Variants in AFF1 observed in about 807,000 individuals in gnomAD.
The protein encoded by AFF1 is ALF transcription elongation factor 1.
A neutral mutation model predicts 121.7 loss-of-function variants in AFF1; 48 were observed. The observed-to-expected ratio is 0.39, with a 90% CI of 0.31 to 0.50. The LOEUF is 0.50. Among genes scored for constraint, AFF1 ranks in the 20% least tolerant of loss-of-function variants. The pLI is 0.76. For missense variants in AFF1, 1,523 were observed against 1,511.7 expected, an observed-to-expected ratio of 1.01 and a Z score of -0.12; for synonymous variants, 613 against 563.0, an observed-to-expected ratio of 1.09 and a Z score of -1.26.
intron 16 of AFF1, among the ~76,000 whole-genome samples, chr4:87,129,900 G>A (rs780798079): frequency 3.8e-4 from 58 of 152,084 alleles, no homozygotes; most frequent in Middle Eastern, 3.4e-3. Flanking sequence ...AGCCCATACC[G>A]CTCTCATTGC....
chr4:87,099,059 A>G (rs1290157700), intron 8 of AFF1, among the ~76,000 whole-genome samples: 2 of 152,218 alleles, frequency 1.3e-5, no homozygotes, highest in African/African-American at 4.8e-5. Flanking sequence ...AAGTCCAAAG[A>G]CATGCTTTAC....
chr4:87,004,647 AG>A (rs1251333261), intron 2 of AFF1, among the ~76,000 whole-genome samples: 1 of 152,182 alleles, frequency 6.6e-6, no homozygotes, highest in Non-Finnish European at 1.5e-5. Context: ...TGTTCCAGTG[AG>A]CATTTCCTTT....
At chr4:87,065,255 A>G (rs1721226254) in intron 4 of AFF1, among the ~76,000 whole-genome samples, 1 of 152,096 alleles carries the variant, frequency 6.6e-6, no homozygotes, top group Admixed American at 6.5e-5. Context: ...GCAAAGAGAG[A>G]GGTTGTGCAG....
At chr4:87,026,372 A>T (rs979925985) in intron 2 of AFF1, among the ~76,000 whole-genome samples, 1 of 152,174 alleles carries the variant, frequency 6.6e-6, no homozygotes, top group Non-Finnish European at 1.5e-5. Context: ...TGCTGGGATT[A>T]CAGGTGTGAG....
chr4:87,130,804 C>CT (rs1158855782), intron 16 of AFF1, among the ~76,000 whole-genome samples: 3 of 152,192 alleles, frequency 2.0e-5, no homozygotes, highest in Non-Finnish European at 4.4e-5. Flanking sequence ...AGACTATGTA[C>CT]TTACTGCCTT....
At chr4:87,014,342 A>G (rs900675824) in intron 2 of AFF1, among the ~76,000 whole-genome samples, 1 of 152,226 alleles carries the variant, frequency 6.6e-6, no homozygotes, top group Non-Finnish European at 1.5e-5. Flanking sequence ...TTCCCAGGGA[A>G]AAGTTAAAAT....
chr4:87,056,199 A>G (rs1720123818), intron 4 of AFF1, among the ~76,000 whole-genome samples: 1 of 152,098 alleles, frequency 6.6e-6, no homozygotes, highest in South Asian at 2.1e-4. Flanking sequence ...CTCAGTATTT[A>G]AGTAATTAGA....
At chr4:87,125,967 T>C in intron 13 of AFF1, 132 bp from the exon 14 acceptor site, 1 of 847,764 alleles carries the variant, frequency 1.2e-6, no homozygotes, top group Non-Finnish European at 1.9e-6. Flanking sequence ...CCCTGAAATT[T>C]GGCCTGTTTA....
intron 4 of AFF1, among the ~76,000 whole-genome samples, chr4:87,075,292 AAG>A (rs1489810752): frequency 1.3e-5 from 2 of 152,096 alleles, no homozygotes; most frequent in Middle Eastern, 3.2e-3. Context: ...TTGCTTATGA[AAG>A]AGCAATTTAC....
chr4:87,130,522 G>C (rs1728729377), intron 16 of AFF1, among the ~76,000 whole-genome samples: 1 of 152,124 alleles, frequency 6.6e-6, no homozygotes, highest in Admixed American at 6.5e-5. Context: ...TTCCCTTTAA[G>C]GGACTCTGAA....
At chr4:87,044,122 G>C (rs559481181) in intron 2 of AFF1, among the ~76,000 whole-genome samples, 13 of 152,066 alleles carry the variant, frequency 8.5e-5, no homozygotes, top group Admixed American at 2.6e-4. Flanking sequence ...GGCCTAAGGA[G>C]ATAATTATTT....
intron 12 of AFF1, among the ~76,000 whole-genome samples, chr4:87,123,513 C>G (rs967543402): frequency 5.9e-5 from 9 of 152,032 alleles, no homozygotes; most frequent in Admixed American, 1.3e-4. Flanking sequence ...GTGCACATGC[C>G]GCAAGATTAA....
At chr4:87,119,305 AC>A (rs1727436187) in intron 12 of AFF1, among the ~76,000 whole-genome samples, 1 of 152,176 alleles carries the variant, frequency 6.6e-6, no homozygotes, top group East Asian at 1.9e-4. Flanking sequence ...CTGGCTGGGC[AC>A]AGTGGCTCAC....
Position 87,014,228 on chromosome 4 carries a change from C to A in AFF1, c.39-31938C>A, listed in dbSNP as rs144276591. Among the ~76,000 whole-genome samples, 15 of 152,276 alleles carry A rather than the reference C, an allele frequency of 9.9e-5. No individual in the cohort carries two copies. The East Asian group carries it at 2.9e-3, about 29-fold the overall frequency. On this transcript the variant is annotated intron_variant, in intron 2 of 20. Transcript: ENST00000395146. ...CTCAAGGAGCAGGGTATTTAATTTA[C>A]TTTTTTCCATGCGTTGTGGGCTCCC...
chr4:87,022,582 A>ATC (rs58303396), intron 2 of AFF1, among the ~76,000 whole-genome samples: 1 of 88,600 alleles, frequency 1.1e-5, no homozygotes, highest in African/African-American at 5.3e-5. Flanking sequence ...ATATATATAT[A>ATC]TCTATCTATA....
chr4:86,951,615 C>CTTTTTTTTTTTTTTTTTTTTTTTT lies in AFF1; in HGVS notation c.38+3051_38+3052insTTTTTTTTTTTTTTTTTTTTTTTT, dbSNP rs748093135. 2.2e-4 allele frequency among the ~76,000 whole-genome samples: 27 copies of CTTTTTTTTTTTTTTTTTTTTTTTT among 124,928 alleles called. 1 individual carries two copies. Among genetic ancestry groups the CTTTTTTTTTTTTTTTTTTTTTTTT allele is most frequent in the Admixed American group, 3.5e-4 (4 of 11,590 alleles). The allele number at this position is 124,928 out of a possible 152,430, so 82.0% of individuals were successfully genotyped here. Reference sequence around the variant, plus strand: ...GAACTTTTTTTTCTTTTTCTTTTTTCTTTTTTTCTTTTTTTTTTTTTTTTT... The same window carrying CTTTTTTTTTTTTTTTTTTTTTTTT: ...GAACTTTTTTTTCTTTTTCTTTTTTCTTTTTTTTTTTTTTTTTTTTTTTTTTTTTTTCTTTTTTTTTTTTTTTTT... On this transcript the variant is annotated intron_variant, in intron 2 of 20. Transcript: ENST00000395146.
intron 2 of AFF1, among the ~76,000 whole-genome samples, chr4:86,963,085 G>A (rs1410546985): frequency 7.0e-6 from 1 of 142,522 alleles, no homozygotes; most frequent in Admixed American, 7.7e-5. Context: ...AGAATTGCTC[G>A]AACCTGGGAG....
At chr4:86,967,650 T>G (rs1165964832) in intron 2 of AFF1, among the ~76,000 whole-genome samples, 2 of 152,046 alleles carry the variant, frequency 1.3e-5, no homozygotes, top group African/African-American at 4.8e-5. Flanking sequence ...GATTTTTTTT[T>G]TTTTGTAAAC....
intron 2 of AFF1, among the ~76,000 whole-genome samples, chr4:86,964,160 C>T (rs1173432515): frequency 6.7e-6 from 1 of 148,616 alleles, no homozygotes; most frequent in Non-Finnish European, 1.5e-5. Flanking sequence ...AGTCTCGCCC[C>T]GTCACCAGGC....
Sources: gnomAD v4.1 joint callset for allele counts (sites outside exome capture counted in the v4.1 genomes callset) on GRCh38, gnomAD v4.1.1 for gene constraint, MANE v1.5 for transcripts, NCBI Gene and HGNC (gene_info 2026-07-23, HGNC 2026-07-21) for gene names.